Variants in OR6F1 observed in about 807,000 individuals in gnomAD.
OR6F1 encodes the protein olfactory receptor 6F1.
For missense variants in OR6F1, 346 were observed against 376.0 expected, an observed-to-expected ratio of 0.92 and a Z score of 0.66; for synonymous variants, 144 against 150.0, an observed-to-expected ratio of 0.96 and a Z score of 0.29.
At chr1:247,714,293 AAAGAC>A (rs1272701612) in intron 1 of OR6F1, among the ~76,000 whole-genome samples, 1 of 152,168 alleles carries the variant, frequency 6.6e-6, no homozygotes, top group Non-Finnish European at 1.5e-5. Context: ...TTTAATCACC[AAAGAC>A]AACTCTAGGG....
chr1:247,712,591 C>T lies in OR6F1; in HGVS notation c.165G>A (p.Leu55=), dbSNP rs1422929225. Reference sequence around the variant, plus strand: ...TCAGAAAGAAGTACATGGGGGTATGCAACTGATGGGAGGTGCTCACCAACA... The same window carrying T: ...TCAGAAAGAAGTACATGGGGGTATGTAACTGATGGGAGGTGCTCACCAACA... ...ILMLVSTSHQ[L]HTPMYFFLSN... is the part of the protein sequence containing the mutation. The change falls in exon 3 of 3, where the codon TTG becomes TTA. Residue 55 remains leucine (L), a synonymous_variant. Coordinates refer to ENST00000641470, the MANE Select transcript of OR6F1 (RefSeq NM_001005286.2). The T allele has an allele frequency of 4.3e-6, 7 of 1,613,984 alleles. No individual in the cohort carries two copies. Among genetic ancestry groups the T allele is most frequent in the Non-Finnish European group, 5.9e-6 (7 of 1,179,978 alleles).
intron 1 of OR6F1, among the ~76,000 whole-genome samples, chr1:247,716,077 AC>A (rs1225910557): frequency 5.3e-5 from 8 of 151,836 alleles, no homozygotes; most frequent in Middle Eastern, 3.2e-3. Flanking sequence ...ACATGGTGAA[AC>A]CCCCTCTCTA....
At chr1:247,716,166 T>A (rs1177133743) in intron 1 of OR6F1, among the ~76,000 whole-genome samples, 165 bp downstream of exon 1, 1 of 151,950 alleles carries the variant, frequency 6.6e-6, no homozygotes, top group Non-Finnish European at 1.5e-5. Flanking sequence ...GGCAGGAGAA[T>A]CATCTGAACC....
chr1:247,714,686 C>G (rs1660076859), intron 1 of OR6F1, among the ~76,000 whole-genome samples: 1 of 151,768 alleles, frequency 6.6e-6, no homozygotes, highest in Admixed American at 6.6e-5. Context: ...GGTAAAGGAG[C>G]CTAGATTATG....
Position 247,716,595 on chromosome 1 carries a change from T to C in OR6F1, c.-391A>G, listed in dbSNP as rs933700252. On this transcript the variant is annotated 5_prime_UTR_variant, in exon 1 of 3. Coordinates refer to ENST00000641470, the MANE Select transcript of OR6F1 (RefSeq NM_001005286.2). The stretch of plus-strand genomic sequence containing the variant: ...CTTTTTCTGTTTCCTTTTGTTCTTA[T>C]GCTCTGACCCCATTCTGTCCTAGTT... 29 of 152,204 alleles carry C rather than the reference T, an allele frequency of 1.9e-4. No homozygotes were observed. The highest frequency in any genetic ancestry group is 1.9e-3 in the Admixed American group (29 of 15,280). The allele number at this position is 152,204 out of a possible 1,614,324, so 9.4% of individuals were successfully genotyped here.
At chr1:247,712,868 T>C (rs544482448) in intron 2 of OR6F1, 51 bp from the exon 3 acceptor site, 1 of 607,986 alleles carries the variant, frequency 1.6e-6, no homozygotes, top group African/African-American at 1.8e-5. Context: ...TAATTAAATG[T>C]AATTATTGGA....
chr1:247,715,244 T>C (rs907838629), intron 1 of OR6F1, among the ~76,000 whole-genome samples: 2 of 152,250 alleles, frequency 1.3e-5, no homozygotes, highest in African/African-American at 4.8e-5. Context: ...TAAAAATATT[T>C]TAATTTATGT....
rs752392439 is a variant in OR6F1 at position 247,712,165 on chromosome 1, A to G, written c.591T>C (p.Leu197=). 8 of 1,614,102 alleles carry G rather than the reference A, an allele frequency of 5.0e-6. No individual in the cohort carries two copies. In the African/African-American group the frequency reaches 9.3e-5, roughly 19 times the overall value. Residue 197 remains leucine (L), a synonymous_variant, in exon 3 of 3, where the codon CTT becomes CTC. Transcript: ENST00000641470. ...LACTNTQAVE[L]VAFVIAVVVI... ...CCACAACAGCAATCACAAAGGCCAC[A>G]AGCTCTACTGCCTGTGTGTTGGTGC... is the stretch of plus-strand genomic sequence containing the variant.
intron 2 of OR6F1, among the ~76,000 whole-genome samples, chr1:247,713,080 C>A (rs1660039578): frequency 6.6e-6 from 1 of 152,184 alleles, no homozygotes; most frequent in African/African-American, 2.4e-5. Flanking sequence ...AGTCTTTCTG[C>A]CTTCATCCCA....
chr1:247,712,621 G>T lies in OR6F1; in HGVS notation c.135C>A (p.Ile45=). 1 of 1,613,952 alleles carries T rather than the reference G, an allele frequency of 6.2e-7. No individual in the cohort carries two copies. The highest frequency in any genetic ancestry group is 1.3e-5 in the African/African-American group (1 of 75,034). Residue 45 remains isoleucine, a synonymous_variant, in exon 3 of 3, where the codon ATC becomes ATA. Transcript: ENST00000641470. ...YILTVSGNVA[I]LMLVSTSHQL... is the part of the protein sequence containing the mutation. ...GATGGGAGGTGCTCACCAACATCAA[G>T]ATAGCCACATTACCACTAACTGTGA...
chr1:247,712,176 C>T lies in OR6F1; in HGVS notation c.580G>A (p.Ala194Thr). ...ATCACAAAGGCCACAAGCTCTACTGCCTGTGTGTTGGTGCAGGCCAGGGCA... is the reference window on the plus strand; with the variant it reads ...ATCACAAAGGCCACAAGCTCTACTGTCTGTGTGTTGGTGCAGGCCAGGGCA... Reference protein sequence around the residue: ...WIALACTNTQAVELVAFVIAV... With the variant: ...WIALACTNTQTVELVAFVIAV... Residue 194 changes from alanine to threonine, a missense_variant, in exon 3 of 3, where the codon GCA (alanine) becomes ACA (threonine). Coordinates refer to ENST00000641470, the MANE Select transcript of OR6F1 (RefSeq NM_001005286.2). The T allele has an allele frequency of 6.2e-7, 1 of 1,614,162 alleles. No individual in the cohort carries two copies. The highest frequency in any genetic ancestry group is 1.1e-5 in the South Asian group (1 of 91,088).
intron 1 of OR6F1, among the ~76,000 whole-genome samples, chr1:247,714,943 A>G (rs961974875): frequency 6.6e-5 from 10 of 151,994 alleles, no homozygotes; most frequent in African/African-American, 2.4e-4. Context: ...TTTTTCTTTA[A>G]AGGTCATCAG....
chr1:247,715,120 A>G (rs1660082979), intron 1 of OR6F1, among the ~76,000 whole-genome samples: 1 of 152,242 alleles, frequency 6.6e-6, no homozygotes, highest in African/African-American at 2.4e-5. Context: ...GAAGTTATTC[A>G]AAGTGGAGCC....
intron 1 of OR6F1, among the ~76,000 whole-genome samples, chr1:247,716,050 T>C (rs2103193266): frequency 6.6e-6 from 1 of 152,112 alleles, no homozygotes; most frequent in Admixed American, 6.5e-5. Flanking sequence ...GACAGGAATT[T>C]GAGACCAGCC....
chr1:247,716,636 T>C lies in OR6F1; in HGVS notation c.-432A>G, dbSNP rs1660110222. The C allele has an allele frequency of 6.6e-6, 1 of 152,176 alleles. No homozygotes were observed. Among genetic ancestry groups the C allele is most frequent in the Admixed American group, 6.5e-5 (1 of 15,270 alleles). The allele number at this position is 152,176 out of a possible 1,614,324, so 9.4% of individuals were successfully genotyped here. A position where few individuals can be genotyped will look rare whatever the true frequency, so the allele number is the denominator to read the frequency against. ...TGTCCTAGTTCCATTCCACTTCCCT[T>C]TTGTTGTTTTATATTTTCTCCATCT... On this transcript the variant is annotated 5_prime_UTR_variant, in exon 1 of 3. Coordinates refer to ENST00000641470, the MANE Select transcript of OR6F1 (RefSeq NM_001005286.2).
Position 247,712,717 on chromosome 1 carries a change from G to C in OR6F1, c.39C>G (p.Leu13=). The change falls in exon 3 of 3, where the codon CTC becomes CTG. Residue 13 remains leucine, a synonymous_variant. Coordinates refer to ENST00000641470, the MANE Select transcript of OR6F1 (RefSeq NM_001005286.2). ...TTTGAGAACCAGGAAAGCCCAGTAA[G>C]AGAAAGTCCTGGGGCAGAGTTTTGT... ...TGNKTLPQDF[L]LLGFPGSQTL... is the part of the protein sequence containing the mutation. 1 of 1,607,584 alleles carries C rather than the reference G, an allele frequency of 6.2e-7. No individual in the cohort carries two copies. The highest frequency in any genetic ancestry group is 8.5e-7 in the Non-Finnish European group (1 of 1,179,800).
At chr1:247,713,795 C>T in intron 2 of OR6F1, 96 bp downstream of exon 2, 1 of 397,296 alleles carries the variant, frequency 2.5e-6, no homozygotes, top group Non-Finnish European at 4.4e-6. Context: ...TTGTTTCCCG[C>T]ATAAACCCAA....
In OR6F1 at chr1:247,712,565, C is replaced by T; in HGVS notation, c.191G>A (p.Ser64Asn). The T allele has an allele frequency of 6.2e-7, 1 of 1,614,074 alleles. No homozygotes were observed. The highest frequency in any genetic ancestry group is 8.5e-7 in the Non-Finnish European group (1 of 1,179,962). Residue 64 changes from serine to asparagine, a missense_variant, in exon 3 of 3, where the codon AGC (serine) becomes AAC (asparagine). Physicochemically the swap from Ser to Asn is conservative, Grantham distance 46. Transcript: ENST00000641470. ...CCAAATCTCCAGGAAGGAGAGGTTG[C>T]TCAGAAAGAAGTACATGGGGGTATG... The part of the protein sequence containing the change: ...QLHTPMYFFL[S>N]NLSFLEIWYT...
chr1:247,716,267 A>G (rs1241568296), intron 1 of OR6F1, 64 bp downstream of exon 1: 1 of 152,076 alleles, frequency 6.6e-6, no homozygotes, highest in African/African-American at 2.4e-5. Context: ...AAAAAATTAG[A>G]AATTACCCAT....
Sources: allele counts gnomAD v4.1 joint callset (sites outside exome capture counted in the v4.1 genomes callset), GRCh38; gene constraint gnomAD v4.1.1; transcripts MANE v1.5; gene names NCBI Gene and HGNC (gene_info 2026-07-23, HGNC 2026-07-21).